RNF38: variants seen among roughly 807,000 people sequenced by gnomAD.
RNF38 encodes the protein ring finger protein 38, also known as E3 ubiquitin-protein ligase RNF38.
In RNF38, 15 loss-of-function variants were observed where a neutral mutation model predicts 67.2. That is an observed-to-expected ratio of 0.22 (90% CI 0.15 to 0.34). RNF38 has a LOEUF of 0.34. Ranked by LOEUF, RNF38 falls within the 10% of genes least tolerant of loss-of-function variation. The probability of loss-of-function intolerance (pLI) is 1.00; values close to 1 mark genes in which losing one functional copy is unlikely to be tolerated. For synonymous variants in RNF38, 220 were observed against 218.8 expected, an observed-to-expected ratio of 1.01 and a Z score of -0.05; for missense variants, 524 against 639.9, an observed-to-expected ratio of 0.82 and a Z score of 1.95.
At chr9:36,475,853 T>C (rs1840108899) in intron 1 of RNF38, among the ~76,000 whole-genome samples, 1 of 150,478 alleles carries the variant, frequency 6.6e-6, no homozygotes, top group South Asian at 2.1e-4. Context: ...CCATCTCTAC[T>C]AAAAATACAA....
intron 1 of RNF38, among the ~76,000 whole-genome samples, chr9:36,483,111 G>A (rs1237845140): frequency 6.6e-6 from 1 of 152,140 alleles, no homozygotes; most frequent in Admixed American, 6.5e-5. Context: ...TACCGGCCAG[G>A]CACGGCTGTT....
Position 36,337,833 on chromosome 9 carries a change from T to G in RNF38, c.*1919A>C, listed in dbSNP as rs1268025377. 1 of 152,672 alleles carries G rather than the reference T, an allele frequency of 6.5e-6. No homozygotes were observed. The highest frequency in any genetic ancestry group is 1.9e-4 in the East Asian group (1 of 5,202). The allele number at this position is 152,672 out of a possible 1,614,324, so 9.5% of individuals were successfully genotyped here. On this transcript the variant is annotated 3_prime_UTR_variant, in exon 12 of 12. Coordinates refer to ENST00000259605, the MANE Select transcript of RNF38 (RefSeq NM_022781.5). ...TACCACTATTTAGAAGTATTTCTGA[T>G]GCACTGACAACCCTAGGGGCAAACA...
chr9:36,454,228 A>T lies in RNF38; in HGVS notation n.242-29545T>A, dbSNP rs577645686. Among the ~76,000 whole-genome samples, 6 of 151,876 alleles carry T rather than the reference A, an allele frequency of 4.0e-5. No homozygotes were observed. The South Asian group carries it at 1.2e-3, about 32-fold the overall frequency. On this transcript the variant is annotated intron_variant and non_coding_transcript_variant, in intron 1 of 3. Coordinates refer to the RNF38 transcript ENST00000488058. ...AACCTCCACCTGCCAGGTTCAAATG[A>T]TTCTCCTGCCTCAGCCTCTGTTGTA...
rs184440703 is a variant in RNF38 at position 36,436,801 on chromosome 9, G to A, written n.242-12118C>T. On this transcript the variant is annotated intron_variant and non_coding_transcript_variant, in intron 1 of 3. Transcript: ENST00000488058. ...AGCACCACTGCACTCCAGCACGGGC[G>A]ACAGAGCGAGACTCCTCAAAAAAAA... 1.3e-3 allele frequency among the ~76,000 whole-genome samples: 170 copies of A among 126,778 alleles called. 1 individual carries two copies. Among genetic ancestry groups the A allele is most frequent in the Admixed American group, 3.4e-3 (35 of 10,226 alleles). The allele number at this position is 126,778 out of a possible 152,430, so 83.2% of individuals were successfully genotyped here.
At chr9:36,359,737 AT>A (rs11374341) in intron 4 of RNF38, among the ~76,000 whole-genome samples, 8 of 145,952 alleles carry the variant, frequency 5.5e-5, no homozygotes, top group African/African-American at 1.3e-4. Flanking sequence ...TTATATTAAG[AT>A]TTTTTTTTTT....
chr9:36,356,258 T>G, intron 6 of RNF38, 45 bp downstream of exon 6: 1 of 1,589,602 alleles, frequency 6.3e-7, no homozygotes, highest in Non-Finnish European at 8.6e-7. Flanking sequence ...AAATTAAAAA[T>G]TAGTTAAAAA....
chr9:36,358,598 G>C (rs1460714747), intron 4 of RNF38, among the ~76,000 whole-genome samples: 5 of 152,148 alleles, frequency 3.3e-5, no homozygotes, highest in Non-Finnish European at 5.9e-5. Flanking sequence ...TGTTCTCTTT[G>C]GTACTAGCCA....
In RNF38 at chr9:36,387,151, C is replaced by A. The variant is rs892175829; in HGVS notation, c.162+3316G>T. Among the ~76,000 whole-genome samples the A allele has an allele frequency of 8.5e-5, 13 of 152,276 alleles. No individual in the cohort carries two copies. In the East Asian group the frequency reaches 1.5e-3, roughly 18 times the overall value. ...CATGAATAATCCACCCCGTGTTTAA[C>A]ACATAATCAAGAAATAACCATAAAA... is the stretch of plus-strand genomic sequence containing the variant. On this transcript the variant is annotated intron_variant, in intron 2 of 11. Coordinates refer to ENST00000259605, the MANE Select transcript of RNF38 (RefSeq NM_022781.5).
At chr9:36,419,951 C>T (rs1838575466) in intron 2 of RNF38, among the ~76,000 whole-genome samples, 2 of 152,170 alleles carry the variant, frequency 1.3e-5, no homozygotes, top group South Asian at 2.1e-4. Context: ...AAAAAACTAC[C>T]GAGAAGGACT....
At chr9:36,399,507 T>C (rs1272754521) in intron 1 of RNF38, among the ~76,000 whole-genome samples, 2 of 147,890 alleles carry the variant, frequency 1.4e-5, no homozygotes, top group Non-Finnish European at 3.0e-5. Flanking sequence ...TATTATATAA[T>C]ACCATATTAT....
chr9:36,341,252 G>A (rs192950545), intron 11 of RNF38, among the ~76,000 whole-genome samples: 3 of 152,082 alleles, frequency 2.0e-5, no homozygotes, highest in Non-Finnish European at 4.4e-5. Context: ...GTCCGCACGT[G>A]TCAGGGATTT....
chr9:36,359,751 T>TG (rs1834383865), intron 4 of RNF38, among the ~76,000 whole-genome samples: 1 of 151,602 alleles, frequency 6.6e-6, no homozygotes, highest in African/African-American at 2.4e-5. Context: ...TTTTTTTTTT[T>TG]GAGATGGAGT....
intron 1 of RNF38, among the ~76,000 whole-genome samples, chr9:36,477,313 A>T (rs536958748): frequency 1.0e-4 from 15 of 149,644 alleles, no homozygotes; most frequent in Middle Eastern, 3.4e-3. Context: ...ACAGAGCAAG[A>T]CTCGTCTGGA....
chr9:36,396,621 C>T (rs1837528010), intron 1 of RNF38, among the ~76,000 whole-genome samples: 1 of 152,012 alleles, frequency 6.6e-6, no homozygotes, highest in Non-Finnish European at 1.5e-5. Context: ...GAGAACACTG[C>T]AAACAGGAAT....
chr9:36,477,833 A>AAAAG lies in RNF38; in HGVS notation n.241+9471_241+9474dup, dbSNP rs750284166. Among the ~76,000 whole-genome samples the AAAAG allele has an allele frequency of 1.3e-4, 19 of 147,426 alleles. 1 individual carries two copies. Among genetic ancestry groups the AAAAG allele is most frequent in the East Asian group, 5.9e-4 (3 of 5,048 alleles). Reference sequence around the variant, plus strand: ...GGAGACTCTGTCTCAAAAAAAAAAAAAAAGAAAGAAAAAAGGATAGCGTAG... The same window carrying AAAAG: ...GGAGACTCTGTCTCAAAAAAAAAAAAAAAGAAAGAAAGAAAAAAGGATAGCGTAG... On this transcript the variant is annotated intron_variant and non_coding_transcript_variant, in intron 1 of 3. Coordinates refer to the RNF38 transcript ENST00000488058.
intron 2 of RNF38, among the ~76,000 whole-genome samples, chr9:36,415,152 A>T (rs1185694362): frequency 6.6e-6 from 1 of 152,126 alleles, no homozygotes; most frequent in Non-Finnish European, 1.5e-5. Context: ...AAATTTTTAG[A>T]TTTCCCTTCT....
At chr9:36,461,349 C>T (rs1839729578) in intron 1 of RNF38, among the ~76,000 whole-genome samples, 1 of 152,136 alleles carries the variant, frequency 6.6e-6, no homozygotes, top group Admixed American at 6.6e-5. Context: ...GAGGTAAAAC[C>T]TTCTTTAGAC....
At chr9:36,354,853 T>C (rs1301898846) in intron 6 of RNF38, among the ~76,000 whole-genome samples, 1 of 152,234 alleles carries the variant, frequency 6.6e-6, no homozygotes, top group Non-Finnish European at 1.5e-5. Context: ...TATAAGTAAA[T>C]ACTAAGCTTT....
At chr9:36,389,577 T>C (rs1836912094) in intron 2 of RNF38, among the ~76,000 whole-genome samples, 1 of 152,276 alleles carries the variant, frequency 6.6e-6, no homozygotes. Context: ...AAAGAGTTAA[T>C]ACATGCAAAG....
Sources: allele counts gnomAD v4.1 joint callset (sites outside exome capture counted in the v4.1 genomes callset), GRCh38; gene constraint gnomAD v4.1.1; transcripts MANE v1.5; gene names NCBI Gene and HGNC (gene_info 2026-07-23, HGNC 2026-07-21).